Variants in DGKB observed in about 807,000 individuals in gnomAD.
The protein encoded by DGKB is 90 kDa diacylglycerol kinase.
A neutral mutation model predicts 114.3 loss-of-function variants in DGKB; 67 were observed. The ratio of observed to expected loss-of-function variants is 0.59; its 90% confidence interval spans 0.48 to 0.72. The LOEUF is 0.72. Among genes scored for constraint, DGKB ranks in the 30% least tolerant of loss-of-function variants. The pLI is 0.00. For synonymous variants in DGKB, 398 were observed against 323.1 expected (o/e 1.23, Z -2.49); for missense variants, 907 against 975.2 (o/e 0.93, Z 0.93).
chr7:14,872,254 G>C lies in DGKB; in HGVS notation c.-188+30338C>G, dbSNP rs916769895. Among the ~76,000 whole-genome samples the C allele has an allele frequency of 3.3e-5, 5 of 152,134 alleles. No individual in the cohort carries two copies. In the East Asian group the frequency reaches 9.6e-4, roughly 29 times the overall value. On this transcript the variant is annotated intron_variant, in intron 1 of 25. Coordinates refer to ENST00000402815, the MANE Select transcript of DGKB (RefSeq NM_001350709.2). Reference sequence around the variant, plus strand: ...ATGTTATTTCTAAATAAGAGCGGCAGAACAGGAATAACAAACATACGCTAT... The same window carrying C: ...ATGTTATTTCTAAATAAGAGCGGCACAACAGGAATAACAAACATACGCTAT...
rs191073408 is a variant in DGKB at position 14,313,900 on chromosome 7, G to C, written c.2122+24615C>G. On this transcript the variant is annotated intron_variant, in intron 23 of 25. Coordinates refer to ENST00000402815, the MANE Select transcript of DGKB (RefSeq NM_001350709.2). ...TGCCCCTGTCTGACAGCTTTGAAGA[G>C]AGCAGTGGTTCTCCCAGTGCGCAGC... 4.0e-3 allele frequency among the ~76,000 whole-genome samples: 614 copies of C among 152,316 alleles called. 3 individuals carry two copies. Among genetic ancestry groups the C allele is most frequent in the African/African-American group, 0.014 (590 of 41,570 alleles).
intron 9 of DGKB, among the ~76,000 whole-genome samples, chr7:14,689,910 TAAAC>T (rs1471985190): frequency 1.3e-5 from 2 of 152,154 alleles, no homozygotes; most frequent in Non-Finnish European, 2.9e-5. Flanking sequence ...AAATGTGTCT[TAAAC>T]AATCTCAGTC....
chr7:14,243,758 ATC>A (rs1258687945), intron 23 of DGKB, among the ~76,000 whole-genome samples: 3 of 152,082 alleles, frequency 2.0e-5, no homozygotes, highest in African/African-American at 4.8e-5. Context: ...TTTGACTGTA[ATC>A]TCTCTTTCCA....
chr7:14,899,010 C>T (rs764345026), intron 1 of DGKB, among the ~76,000 whole-genome samples: 5 of 152,122 alleles, frequency 3.3e-5, no homozygotes, highest in African/African-American at 7.2e-5. Context: ...TTAAATTTAG[C>T]ATGCTGAGAA....
At chr7:14,911,508 A>T (rs2128243676) in intron 1 of DGKB, among the ~76,000 whole-genome samples, 1 of 152,238 alleles carries the variant, frequency 6.6e-6, no homozygotes, top group South Asian at 2.1e-4. Context: ...TGGCTCCAAC[A>T]CTCAGCTCAA....
At chr7:14,863,348 A>C (rs1851258949) in intron 1 of DGKB, among the ~76,000 whole-genome samples, 1 of 151,464 alleles carries the variant, frequency 6.6e-6, no homozygotes, top group South Asian at 2.1e-4. Flanking sequence ...AGATTTAAAA[A>C]TTATTAGTCA....
chr7:14,363,015 C>A (rs1257265609), intron 21 of DGKB, among the ~76,000 whole-genome samples: 1 of 152,072 alleles, frequency 6.6e-6, no homozygotes, highest in Non-Finnish European at 1.5e-5. Context: ...ATAAATGCCA[C>A]CTTCCCCCTC....
chr7:14,872,249 C>T (rs960784743), intron 1 of DGKB, among the ~76,000 whole-genome samples: 3 of 152,076 alleles, frequency 2.0e-5, no homozygotes, highest in Non-Finnish European at 4.4e-5. Context: ...TAAATAAGAG[C>T]GGCAGAACAG....
intron 1 of DGKB, among the ~76,000 whole-genome samples, chr7:14,925,169 G>A (rs567502157): frequency 7.2e-5 from 11 of 152,150 alleles, no homozygotes; most frequent in East Asian, 1.9e-4. Flanking sequence ...TCAACTATTC[G>A]TCCACTGAAG....
chr7:14,760,395 A>C (rs1835512780), intron 2 of DGKB, among the ~76,000 whole-genome samples: 1 of 152,190 alleles, frequency 6.6e-6, no homozygotes, highest in African/African-American at 2.4e-5. Context: ...CCTAAATGGC[A>C]AAAAATTACA....
At chr7:14,642,344 C>T (rs1040842631) in intron 13 of DGKB, among the ~76,000 whole-genome samples, 3 of 151,978 alleles carry the variant, frequency 2.0e-5, no homozygotes, top group Non-Finnish European at 2.9e-5. Flanking sequence ...TTTTATCTGC[C>T]ATCCTTTTTC....
At position 14,630,793 on chromosome 7, in the gene DGKB, A is replaced by C. The variant is rs528034251; in HGVS notation, c.1135-525T>G. On this transcript the variant is annotated intron_variant, in intron 13 of 25. Transcript: ENST00000402815. ...TAATTAAATAAGTAGCAAGAATTTT[A>C]CTTGAGAGTAATTTTTTTAAGATGG... 1.7e-4 allele frequency among the ~76,000 whole-genome samples: 26 copies of C among 152,174 alleles called. 1 individual carries two copies. Among genetic ancestry groups the C allele is most frequent in the Middle Eastern group, 3.4e-3 (1 of 294 alleles).
At chr7:14,932,491 C>T (rs1785073122) in intron 1 of DGKB, among the ~76,000 whole-genome samples, 1 of 152,114 alleles carries the variant, frequency 6.6e-6, no homozygotes, top group East Asian at 1.9e-4. Flanking sequence ...TAATGAACAT[C>T]ATTAGTCAGA....
chr7:14,702,310 C>G (rs962927381), intron 6 of DGKB, among the ~76,000 whole-genome samples: 9 of 151,994 alleles, frequency 5.9e-5, no homozygotes, highest in Admixed American at 2.0e-4. Flanking sequence ...GATCCCCAAG[C>G]AGTATGGGCG....
rs556182963 is a variant in DGKB at position 14,186,110 on chromosome 7, A to G, written c.2123-7959T>C. ...CACAAAGTGGGAGATAATCTTCACA[A>G]TCCATACATCTGACAAAGGACTAAT... is the stretch of plus-strand genomic sequence containing the variant. On this transcript the variant is annotated intron_variant, in intron 23 of 25. Transcript: ENST00000402815. Among the ~76,000 whole-genome samples the G allele has an allele frequency of 2.0e-5, 3 of 152,348 alleles. No homozygotes were observed. In the East Asian group the frequency reaches 5.8e-4, roughly 29 times the overall value.
chr7:14,245,654 G>A (rs769239071), intron 23 of DGKB, among the ~76,000 whole-genome samples: 15 of 152,052 alleles, frequency 9.9e-5, no homozygotes, highest in South Asian at 4.2e-4. Flanking sequence ...TCTGCCAGGC[G>A]AGACGGCTGA....
chr7:14,547,720 G>C (rs1794509281), intron 20 of DGKB, among the ~76,000 whole-genome samples: 1 of 151,940 alleles, frequency 6.6e-6, no homozygotes, highest in Admixed American at 6.6e-5. Flanking sequence ...GATACATTTT[G>C]CAAGTTTAGT....
chr7:14,585,443 C>T (rs1178138679), intron 17 of DGKB, among the ~76,000 whole-genome samples: 1 of 152,146 alleles, frequency 6.6e-6, no homozygotes, highest in Non-Finnish European at 1.5e-5. Context: ...CTACTTTTCC[C>T]ACTTACATTG....
chr7:14,325,588 A>T (rs1808575554), intron 23 of DGKB, among the ~76,000 whole-genome samples: 2 of 152,182 alleles, frequency 1.3e-5, no homozygotes, highest in African/African-American at 4.8e-5. Context: ...AAGGATGATT[A>T]AAAAACATCA....
Sources: allele counts gnomAD v4.1 joint callset (sites outside exome capture counted in the v4.1 genomes callset), GRCh38; gene constraint gnomAD v4.1.1; transcripts MANE v1.5; gene names NCBI Gene and HGNC (gene_info 2026-07-23, HGNC 2026-07-21).